Variants in DGCR2 observed in about 807,000 individuals in gnomAD.
DGCR2 encodes DiGeorge syndrome critical region gene 2, also known as integral membrane protein DGCR2/IDD.
In DGCR2, 24 loss-of-function variants were observed where a neutral mutation model predicts 51.6. That is an observed-to-expected ratio of 0.47 (90% CI 0.34 to 0.65). The LOEUF (loss-of-function observed/expected upper bound fraction) is 0.65, where lower values mean the gene tolerates loss of function less well. Among genes scored for constraint, DGCR2 ranks in the 30% least tolerant of loss-of-function variants. DGCR2 has a pLI of 0.01. For missense variants in DGCR2, 765 were observed against 772.1 expected (o/e 0.99, Z 0.11); for synonymous variants, 340 against 315.4 (o/e 1.08, Z -0.82).
intron 7 of DGCR2, among the ~76,000 whole-genome samples, chr22:19,042,312 TG>T (rs1489062608): frequency 6.6e-6 from 1 of 152,200 alleles, no homozygotes; most frequent in African/African-American, 2.4e-5. Context: ...CAGGTGTGGC[TG>T]GGGAGCGGCC....
intron 6 of DGCR2, among the ~76,000 whole-genome samples, chr22:19,051,481 A>AGG (rs1432181132): frequency 1.3e-5 from 2 of 152,222 alleles, no homozygotes; most frequent in African/African-American, 4.8e-5. Context: ...TCACACCTGT[A>AGG]ATCTCAATAC....
intron 5 of DGCR2, among the ~76,000 whole-genome samples, chr22:19,059,712 T>C (rs2082639985): frequency 6.6e-6 from 1 of 152,086 alleles, no homozygotes; most frequent in Non-Finnish European, 1.5e-5. Flanking sequence ...CGCAGGACTC[T>C]GACGGGAGCC....
At chr22:19,064,826 A>T in intron 4 of DGCR2, 22 bp downstream of exon 4, 1 of 1,606,914 alleles carries the variant, frequency 6.2e-7, no homozygotes, top group Non-Finnish European at 8.5e-7. Flanking sequence ...CCAGCCCCTC[A>T]GGTCCCCAAT....
At chr22:19,100,265 T>C (rs2083186929) in intron 1 of DGCR2, among the ~76,000 whole-genome samples, 1 of 151,534 alleles carries the variant, frequency 6.6e-6, no homozygotes. Context: ...CAAGACTCTG[T>C]CTCAAAAAAA....
rs189671466 is a variant in DGCR2, at chr22:19,112,170, G to A, written c.79+9958C>T. On this transcript the variant is annotated intron_variant, in intron 1 of 9. Coordinates refer to ENST00000263196, the MANE Select transcript of DGCR2 (RefSeq NM_005137.3). ...CACCTGTAGTCCCAGCTACTGGGGAGGCTGAGGCAGGAGAATCGCTTGAAC... is the reference window on the plus strand; with the variant it reads ...CACCTGTAGTCCCAGCTACTGGGGAAGCTGAGGCAGGAGAATCGCTTGAAC... Among the ~76,000 whole-genome samples the A allele has an allele frequency of 7.1e-3, 1,075 of 151,568 alleles. 13 individuals carry two copies. Among genetic ancestry groups the A allele is most frequent in the African/African-American group, 0.025 (1,023 of 41,366 alleles).
intron 6 of DGCR2, among the ~76,000 whole-genome samples, chr22:19,052,245 A>G (rs5993481): frequency 0.49 from 74,955 of 151,762 alleles, 19,615 homozygotes; most frequent in African/African-American, 0.68. Context: ...GGTGAAACCC[A>G]TCTCTACTAA....
intron 2 of DGCR2, among the ~76,000 whole-genome samples, chr22:19,071,393 G>C (rs2082813475): frequency 6.6e-6 from 1 of 152,188 alleles, no homozygotes; most frequent in South Asian, 2.1e-4. Flanking sequence ...ATTCACAATA[G>C]TGATCAAACT....
At chr22:19,069,281 C>T (rs1015233413) in intron 2 of DGCR2, among the ~76,000 whole-genome samples, 2 of 152,216 alleles carry the variant, frequency 1.3e-5, no homozygotes, top group Non-Finnish European at 2.9e-5. Context: ...CTTCCCTGAA[C>T]CTGAACCGGC....
chr22:19,064,735 A>G (rs898094933), intron 4 of DGCR2, 113 bp downstream of exon 4: 6 of 1,071,742 alleles, frequency 5.6e-6, no homozygotes, highest in Non-Finnish European at 8.3e-6. Flanking sequence ...TGGTCTTCCC[A>G]ACCTGCTGTC....
At chr22:19,082,061 T>G (rs113517660) in intron 2 of DGCR2, among the ~76,000 whole-genome samples, 6 of 135,814 alleles carry the variant, frequency 4.4e-5, no homozygotes, top group East Asian at 2.1e-4. Flanking sequence ...TGGGGTTTTT[T>G]TTGTTTTTTT....
At chr22:19,040,425 T>C (rs1487360853) in intron 9 of DGCR2, among the ~76,000 whole-genome samples, 2 of 152,172 alleles carry the variant, frequency 1.3e-5, no homozygotes, top group Non-Finnish European at 2.9e-5. Flanking sequence ...TTGTGTGTGT[T>C]AGGGGGCCTA....
chr22:19,065,090 T>G, intron 3 of DGCR2, 23 bp from the exon 4 acceptor site: 2 of 1,607,110 alleles, frequency 1.2e-6, no homozygotes, highest in Non-Finnish European at 1.7e-6. Flanking sequence ...AGGGGAGTTG[T>G]CCCCCAAGTT....
At chr22:19,051,022 C>A (rs1303417834) in intron 6 of DGCR2, among the ~76,000 whole-genome samples, 1 of 151,820 alleles carries the variant, frequency 6.6e-6, no homozygotes, top group Non-Finnish European at 1.5e-5. Flanking sequence ...AACCCTGTCT[C>A]TACTAAAAAT....
chr22:19,041,470 G>A (rs1228668778), intron 8 of DGCR2, 176 bp from the exon 9 acceptor site: 9 of 649,698 alleles, frequency 1.4e-5, no homozygotes, highest in African/African-American at 5.4e-5. Flanking sequence ...GGTGTGCTCC[G>A]TGGCATGTCT....
intron 2 of DGCR2, among the ~76,000 whole-genome samples, chr22:19,072,337 G>A (rs1037357672): frequency 6.6e-6 from 1 of 152,086 alleles, no homozygotes; most frequent in Non-Finnish European, 1.5e-5. Flanking sequence ...GATTCCCAAC[G>A]AAACATATCC....
intron 8 of DGCR2, 127 bp downstream of exon 8, chr22:19,041,680 C>A (rs2082433112): frequency 9.0e-7 from 1 of 1,108,736 alleles, no homozygotes. Context: ...AGGACACAGA[C>A]CCCACAACAT....
At chr22:19,088,790 T>A (rs2083045629) in intron 2 of DGCR2, among the ~76,000 whole-genome samples, 1 of 152,206 alleles carries the variant, frequency 6.6e-6, no homozygotes, top group South Asian at 2.1e-4. Context: ...TTGTTATTCA[T>A]GGGGTGCCCT....
At chr22:19,114,072 A>G (rs2083347138) in intron 1 of DGCR2, among the ~76,000 whole-genome samples, 2 of 150,502 alleles carry the variant, frequency 1.3e-5, no homozygotes, top group African/African-American at 4.9e-5. Flanking sequence ...GAAAAAAAAA[A>G]AAAAAAAAAA....
intron 1 of DGCR2, among the ~76,000 whole-genome samples, chr22:19,119,959 G>A (rs1601323662): frequency 6.8e-6 from 1 of 147,204 alleles, no homozygotes; most frequent in Non-Finnish European, 1.5e-5. Flanking sequence ...TTTTAAGGCC[G>A]GAATCCCCAC....
Sources: gnomAD v4.1 joint callset for allele counts (sites outside exome capture counted in the v4.1 genomes callset) on GRCh38, gnomAD v4.1.1 for gene constraint, MANE v1.5 for transcripts, NCBI Gene and HGNC (gene_info 2026-07-23, HGNC 2026-07-21) for gene names.